Variants in SLC6A8 observed in about 807,000 individuals in gnomAD.
The protein encoded by SLC6A8 is sodium- and chloride-dependent creatine transporter 1.
Under a neutral mutation model 48.3 loss-of-function variants are expected in SLC6A8, and 6 were observed. The observed-to-expected ratio is 0.12, with a 90% CI of 0.07 to 0.25. The LOEUF (loss-of-function observed/expected upper bound fraction) is 0.25. Among genes scored for constraint, SLC6A8 ranks in the 10% least tolerant of loss-of-function variants. The pLI, the probability that SLC6A8 is intolerant of heterozygous loss-of-function variation, is 1.00. For missense variants in SLC6A8, 260 were observed against 551.5 expected (o/e 0.47, Z 5.29); for synonymous variants, 245 against 244.0 (o/e 1.00, Z -0.04).
rs782374700 is a variant in SLC6A8 at position 153,694,543 on chromosome X, C to A, written c.1506C>A (p.Arg502=). 1 of 1,207,621 alleles carries A rather than the reference C, an allele frequency of 8.3e-7. No homozygotes were observed. The highest frequency in any genetic ancestry group is 1.8e-5 in the African/African-American group (1 of 56,700). Residue 502 remains arginine, a synonymous_variant, in exon 11 of 13, where the codon CGC becomes CGA. Coordinates refer to ENST00000253122, the MANE Select transcript of SLC6A8 (RefSeq NM_005629.4). ...CTCACCTCGCCGCAGGAGCTGACCG[C>A]TTCATGGACGACATTGCCTGTATGA... is the stretch of plus-strand genomic sequence containing the variant. ...VVVAWVYGAD[R]FMDDIACMIG... is the part of the protein sequence containing the mutation.
intron 12 of SLC6A8, 55 bp from the exon 13 acceptor site, chrX:153,695,019 C>G (rs782187016): frequency 8.6e-7 from 1 of 1,167,329 alleles, no homozygotes; most frequent in South Asian, 1.9e-5. Context: ...GAGGAAGTCA[C>G]CGTGGGGACG....
chrX:153,691,230 G>C, intron 2 of SLC6A8, 74 bp from the exon 3 acceptor site: 1 of 1,110,063 alleles, frequency 9.0e-7, no homozygotes. Context: ...GGCCAGCCTG[G>C]GTGGGGACAT....
In SLC6A8 at chrX:153,688,549, G is replaced by C; in HGVS notation, c.-26G>C. 1 of 914,583 alleles carries C rather than the reference G, an allele frequency of 1.1e-6. No homozygotes were observed. Among genetic ancestry groups the C allele is most frequent in the Non-Finnish European group, 1.4e-6 (1 of 719,868 alleles). 75.4% of individuals were successfully genotyped at this position (914,583 alleles called of 1,213,427 possible). A position where few individuals can be genotyped will look rare whatever the true frequency, so the allele number is the denominator to read the frequency against. ...CCCCCCGTGAGGCGCCGCGACCCCG[G>C]CCCGGCCGTGCGGCCCGCCGAGGCC... On this transcript the variant is annotated 5_prime_UTR_variant, in exon 1 of 13. Transcript: ENST00000253122.
In SLC6A8 at chrX:153,695,526, C is replaced by T. The variant is rs1417129136; in HGVS notation, c.*312C>T. 5 of 331,299 alleles carry T rather than the reference C, an allele frequency of 1.5e-5. No individual in the cohort carries two copies. The highest frequency in any genetic ancestry group is 1.4e-4 in the African/African-American group (5 of 36,973). The allele number at this position is 331,299 out of a possible 1,213,427, so 27.3% of individuals were successfully genotyped here. On this transcript the variant is annotated 3_prime_UTR_variant, in exon 13 of 13. Transcript: ENST00000253122. ...CCTCCTGCCCCTGCCACGCCCACCC[C>T]CTGCCCACCTCTCCAGGCTCTGCTC...
rs1272165707 is a variant in SLC6A8, at chrX:153,696,197, G to A, written c.*983G>A. 1 of 257,992 alleles carries A rather than the reference G, an allele frequency of 3.9e-6. No individual in the cohort carries two copies. Among genetic ancestry groups the A allele is most frequent in the Middle Eastern group, 8.8e-4 (1 of 1,131 alleles). 21.3% of individuals were successfully genotyped at this position (257,992 alleles called of 1,213,427 possible). A position where few individuals can be genotyped will look rare whatever the true frequency, so the allele number is the denominator to read the frequency against. ...GAAAAGTGCATGGTGGGGGCCTCGGGGCTGTCCCCACGCTGTCCCTTTGCC... is the reference window on the plus strand; with the variant it reads ...GAAAAGTGCATGGTGGGGGCCTCGGAGCTGTCCCCACGCTGTCCCTTTGCC... On this transcript the variant is annotated 3_prime_UTR_variant, in exon 13 of 13. Transcript: ENST00000253122.
At chrX:153,693,831 T>C in intron 7 of SLC6A8, 74 bp from the exon 8 acceptor site, 1 of 918,011 alleles carries the variant, frequency 1.1e-6, no homozygotes, top group Non-Finnish European at 1.5e-6. Context: ...GGCGCGAGTG[T>C]TGCAGGCAGG....
intron 3 of SLC6A8, 139 bp from the exon 4 acceptor site, chrX:153,691,836 A>G: frequency 1.4e-6 from 1 of 723,455 alleles, no homozygotes; most frequent in Non-Finnish European, 2.1e-6. Context: ...CGTGGGCTCC[A>G]GGCCCAGCCC....
At chrX:153,689,576 A>G in intron 1 of SLC6A8, 1 of 749,412 alleles carries the variant, frequency 1.3e-6, no homozygotes, top group Non-Finnish European at 1.6e-6. Flanking sequence ...AGGTCAGGAG[A>G]AGGATGCTGG....
intron 4 of SLC6A8, 111 bp from the exon 5 acceptor site, chrX:153,692,930 G>T: frequency 1.0e-6 from 1 of 978,718 alleles, no homozygotes; most frequent in Non-Finnish European, 1.4e-6. Flanking sequence ...TGGCTCGGAG[G>T]ACAATGGGGA....
chrX:153,694,847 C>T lies in SLC6A8; in HGVS notation c.1725C>T (p.His575=), dbSNP rs2148364840. The change falls in exon 12 of 13, where the codon CAC becomes CAT. Residue 575 remains histidine, a synonymous_variant. Coordinates refer to ENST00000253122, the MANE Select transcript of SLC6A8 (RefSeq NM_005629.4). ...CCTCCATGCTGTGCGTGCCGCTGCA[C>T]CTCCTGGGCTGCCTCCTCAGGGCCA... ...ALSSMLCVPL[H]LLGCLLRAKG... is the part of the protein sequence containing the mutation. 8.3e-7 allele frequency: 1 copy of T among 1,207,120 alleles called. No homozygotes were observed.
chrX:153,689,761 G>A (rs1188521885), intron 1 of SLC6A8, among the ~76,000 whole-genome samples: 17 of 111,012 alleles, frequency 1.5e-4, no homozygotes, highest in African/African-American at 3.9e-4. Flanking sequence ...CCTGTGTCAC[G>A]CCCTGCCTAT....
chrX:153,691,684 C>T (rs2091456838), intron 3 of SLC6A8, 131 bp downstream of exon 3: 1 of 868,771 alleles, frequency 1.2e-6, no homozygotes, highest in Admixed American at 2.2e-5. Flanking sequence ...CCTGCCTGCC[C>T]TTGCCTGTCC....
intron 7 of SLC6A8, 95 bp from the exon 8 acceptor site, chrX:153,693,810 G>T: frequency 8.4e-6 from 7 of 838,201 alleles, no homozygotes; most frequent in Admixed American, 2.6e-5. Flanking sequence ...TCTGAGGCAG[G>T]CGTGGGCATG....
At chrX:153,691,089 G>A (rs1292591096) in intron 2 of SLC6A8, 6 of 442,785 alleles carry the variant, frequency 1.4e-5, no homozygotes, top group Non-Finnish European at 2.4e-5. Context: ...TCTGCCTTGG[G>A]TCTAGGGGGC....
chrX:153,694,667 G>C (rs782265961), intron 11 of SLC6A8, 34 bp downstream of exon 11: 5 of 1,192,287 alleles, frequency 4.2e-6, no homozygotes, highest in Non-Finnish European at 5.7e-6. Flanking sequence ...AGGGCGGGGG[G>C]CGAGGCAGGG....
intron 4 of SLC6A8, 82 bp from the exon 5 acceptor site, chrX:153,692,959 C>A (rs782070662): frequency 8.8e-7 from 1 of 1,140,684 alleles, no homozygotes; most frequent in South Asian, 1.8e-5. Flanking sequence ...CATACCTGCC[C>A]GCAAGGGGGA....
At position 153,691,564 on chromosome X, in the gene SLC6A8, C is replaced by G; in HGVS notation, c.644+11C>G. 1.7e-6 allele frequency: 2 copies of G among 1,210,897 alleles called. No homozygotes were observed. The highest frequency in any genetic ancestry group is 2.2e-6 in the Non-Finnish European group (2 of 894,869). ...CATCGAGTTCTGGGAGTGAGTCCGG[C>G]ACCTCTGGGCCAAGCCCATCCCATC... On this transcript the variant is annotated intron_variant, in intron 3 of 12. Transcript: ENST00000253122.
rs1441025702 is a variant in SLC6A8 at position 153,696,483 on chromosome X, G to T, written c.*1269G>T. 1 of 330,596 alleles carries T rather than the reference G, an allele frequency of 3.0e-6. No individual in the cohort carries two copies. Among genetic ancestry groups the T allele is most frequent in the Non-Finnish European group, 5.9e-6 (1 of 169,823 alleles). The allele number at this position is 330,596 out of a possible 1,213,427, so 27.2% of individuals were successfully genotyped here. ...GAAAGGCTTCCCCGACACCCAGACA[G>T]AGGCTGCAGGGCTGGGGCTGGGTGA... On this transcript the variant is annotated 3_prime_UTR_variant, in exon 13 of 13. Transcript: ENST00000253122.
chrX:153,690,896 C>A lies in SLC6A8; in HGVS notation c.394+390C>A, dbSNP rs1167875815. 24 of 235,964 alleles carry A rather than the reference C, an allele frequency of 1.0e-4. 1 individual carries two copies. In the East Asian group the frequency reaches 1.2e-3, roughly 12 times the overall value. The allele number at this position is 235,964 out of a possible 1,213,427, so 19.4% of individuals were successfully genotyped here. On this transcript the variant is annotated intron_variant, in intron 2 of 12. Coordinates refer to ENST00000253122, the MANE Select transcript of SLC6A8 (RefSeq NM_005629.4). ...CACTACCTCAGGCGACTAGAAACCCCCCCCCCCCACCACCACCATCAACAC... is the reference window on the plus strand; with the variant it reads ...CACTACCTCAGGCGACTAGAAACCCACCCCCCCCACCACCACCATCAACAC...
Sources: gnomAD v4.1 joint callset for allele counts (sites outside exome capture counted in the v4.1 genomes callset) on GRCh38, gnomAD v4.1.1 for gene constraint, MANE v1.5 for transcripts, NCBI Gene and HGNC (gene_info 2026-07-23, HGNC 2026-07-21) for gene names.